The following WRN variants were observed in gnomAD, a reference collection of about 807,000 sequenced individuals.
WRN encodes the protein WRN RecQ like helicase, also known as bifunctional 3'-5' exonuclease/ATP-dependent helicase WRN.
Under a neutral mutation model 180.7 loss-of-function variants are expected in WRN, and 149 were observed. The ratio of observed to expected loss-of-function variants is 0.82; its 90% CI spans 0.72 to 0.94. The LOEUF is 0.94. Ranked by LOEUF, WRN falls within the 40% of genes least tolerant of loss-of-function variation. WRN has a pLI of 0.00. For missense variants in WRN, 1,661 were observed against 1,700.1 expected, an observed-to-expected ratio of 0.98 and a Z score of 0.40; for synonymous variants, 548 against 568.9, an observed-to-expected ratio of 0.96 and a Z score of 0.52.
chr8:31,048,649 A>G (rs1038148026), intron 1 of WRN, among the ~76,000 whole-genome samples: 1 of 152,198 alleles, frequency 6.6e-6, no homozygotes, highest in African/African-American at 2.4e-5. Flanking sequence ...CAAGCCCAGA[A>G]TTTTTAAAAA....
At chr8:31,045,660 C>T (rs757676924) in intron 1 of WRN, among the ~76,000 whole-genome samples, 30 of 152,194 alleles carry the variant, frequency 2.0e-4, no homozygotes, top group Admixed American at 1.4e-3. Context: ...CCTCGGCCTC[C>T]GAAAGTGCTG....
rs559146100 is a variant in WRN at position 31,069,081 on chromosome 8, A to G, written c.724+754A>G. Among the ~76,000 whole-genome samples the G allele has an allele frequency of 5.3e-5, 8 of 152,376 alleles. No individual in the cohort carries two copies. In the South Asian group the frequency reaches 1.7e-3, roughly 32 times the overall value. The stretch of plus-strand genomic sequence containing the variant: ...TTGTGAAGACTTAAAGGGACAAACT[A>G]TTCGAAGCATCTGTATTGATATAAA... On this transcript the variant is annotated intron_variant, in intron 7 of 34. Coordinates refer to ENST00000298139, the MANE Select transcript of WRN (RefSeq NM_000553.6).
At chr8:31,116,309 G>A in intron 19 of WRN, 45 bp from the exon 20 acceptor site, 1 of 1,599,572 alleles carries the variant, frequency 6.3e-7, no homozygotes, top group South Asian at 1.1e-5. Flanking sequence ...TCTGAAGCAT[G>A]TATAAAGTAT....
chr8:31,058,643 G>A (rs1812368266), intron 2 of WRN, 100 bp downstream of exon 2: 1 of 1,240,986 alleles, frequency 8.1e-7, no homozygotes, highest in South Asian at 1.3e-5. Context: ...TCATTGTTTA[G>A]GTCAGAGTTG....
chr8:31,125,553 TATA>T (rs2130347805), intron 23 of WRN, among the ~76,000 whole-genome samples: 1 of 127,648 alleles, frequency 7.8e-6, no homozygotes, highest in African/African-American at 2.8e-5. Flanking sequence ...TATATATATA[TATA>T]TATATATATA....
intron 21 of WRN, among the ~76,000 whole-genome samples, chr8:31,122,538 C>G (rs544428932): frequency 2.0e-4 from 31 of 152,042 alleles, no homozygotes; most frequent in African/African-American, 7.2e-4. Context: ...AGTCAAACCC[C>G]AAAGTTATTG....
At chr8:31,052,994 A>G (rs1237825698) in intron 1 of WRN, among the ~76,000 whole-genome samples, 1 of 152,252 alleles carries the variant, frequency 6.6e-6, no homozygotes, top group Non-Finnish European at 1.5e-5. Context: ...CTATTAGAAG[A>G]TACATTGAAG....
chr8:31,080,424 G>A (rs1048051247), intron 8 of WRN, among the ~76,000 whole-genome samples: 13 of 149,552 alleles, frequency 8.7e-5, no homozygotes, highest in African/African-American at 3.0e-4. Flanking sequence ...ACACTTTTAG[G>A]GTTCTTTTAT....
At chr8:31,153,126 G>T (rs778762676) in intron 31 of WRN, among the ~76,000 whole-genome samples, 16 of 152,168 alleles carry the variant, frequency 1.1e-4, no homozygotes, top group Non-Finnish European at 2.1e-4. Flanking sequence ...AGAACATACT[G>T]GTTGGGGCAA....
At chr8:31,168,652 C>A (rs1372677538) in intron 34 of WRN, among the ~76,000 whole-genome samples, 1 of 152,090 alleles carries the variant, frequency 6.6e-6, no homozygotes, top group Non-Finnish European at 1.5e-5. Flanking sequence ...AGTAAGTCAT[C>A]CAAAGCATAT....
intron 1 of WRN, among the ~76,000 whole-genome samples, chr8:31,041,400 A>G (rs1811651440): frequency 2.6e-5 from 4 of 152,316 alleles, no homozygotes; most frequent in East Asian, 1.9e-4. Flanking sequence ...AGGGAGGGCA[A>G]TCTGCTTTAC....
In WRN at chr8:31,176,047, T is replaced by C. The variant is rs1400754643; in HGVS notation, c.*2945T>C. The stretch of plus-strand genomic sequence containing the variant: ...GACCTAAGAGATTGAGAAATGCTGA[T>C]GTAATGTTTTATTATAAAGGTGTAC... On this transcript the variant is annotated 3_prime_UTR_variant, in exon 35 of 35. Coordinates refer to ENST00000298139, the MANE Select transcript of WRN (RefSeq NM_000553.6). Among the ~76,000 whole-genome samples the C allele has an allele frequency of 6.6e-6, 1 of 152,212 alleles. No individual in the cohort carries two copies. Among genetic ancestry groups the C allele is most frequent in the African/African-American group, 2.4e-5 (1 of 41,450 alleles).
intron 6 of WRN, 54 bp from the exon 7 acceptor site, chr8:31,068,204 G>C: frequency 7.4e-7 from 1 of 1,356,692 alleles, no homozygotes; most frequent in Non-Finnish European, 1.0e-6. Flanking sequence ...GGGACTTACT[G>C]TTTTATTTCG....
chr8:31,068,450 C>G (rs1812792166), intron 7 of WRN, 123 bp downstream of exon 7: 3 of 795,996 alleles, frequency 3.8e-6, no homozygotes, highest in African/African-American at 1.7e-5. Flanking sequence ...TCTGAGCAGT[C>G]CTGACATTAG....
At chr8:31,068,215 G>A (rs1351031786) in intron 6 of WRN, 43 bp from the exon 7 acceptor site, 2 of 1,426,142 alleles carry the variant, frequency 1.4e-6, no homozygotes, top group South Asian at 1.2e-5. Context: ...TTTTATTTCG[G>A]TGATCTTTAG....
chr8:31,083,361 T>C (rs1181505610), intron 9 of WRN, among the ~76,000 whole-genome samples: 1 of 152,240 alleles, frequency 6.6e-6, no homozygotes, highest in Non-Finnish European at 1.5e-5. Context: ...GAAGAGTTCT[T>C]ATACTCAAAA....
intron 17 of WRN, among the ~76,000 whole-genome samples, chr8:31,100,250 G>T (rs1814170813): frequency 6.6e-6 from 1 of 152,092 alleles, no homozygotes; most frequent in Non-Finnish European, 1.5e-5. Context: ...GGGCGGAGTA[G>T]AGAGGCTACT....
chr8:31,080,806 A>C (rs892336240), intron 8 of WRN, 61 bp from the exon 9 acceptor site: 1 of 1,375,592 alleles, frequency 7.3e-7, no homozygotes, highest in African/African-American at 1.5e-5. Context: ...AAAGCTTCAC[A>C]GTTTGTCCTT....
chr8:31,171,776 C>CT (rs1358187623), intron 34 of WRN, among the ~76,000 whole-genome samples: 4 of 152,082 alleles, frequency 2.6e-5, no homozygotes, highest in Non-Finnish European at 4.4e-5. Flanking sequence ...ATTTCAAAGC[C>CT]TTTTTTAAAC....
Sources: gnomAD v4.1 joint callset for allele counts (sites outside exome capture counted in the v4.1 genomes callset) on GRCh38, gnomAD v4.1.1 for gene constraint, MANE v1.5 for transcripts, NCBI Gene and HGNC (gene_info 2026-07-23, HGNC 2026-07-21) for gene names.